The following ADGRB3 variants were observed in gnomAD, a reference collection of about 807,000 sequenced individuals.
ADGRB3 encodes the protein adhesion G protein-coupled receptor B3.
A neutral mutation model predicts 193.4 loss-of-function variants in ADGRB3; 37 were observed. That is an observed-to-expected ratio of 0.19 (90% CI 0.15 to 0.25). The LOEUF (loss-of-function observed/expected upper bound fraction) is 0.25. ADGRB3 is among the 10% of genes least tolerant of loss of function. ADGRB3 has a pLI of 1.00. For missense variants in ADGRB3, 1,637 were observed against 1,852.9 expected, an observed-to-expected ratio of 0.88 and a Z score of 2.14; for synonymous variants, 690 against 644.2, an observed-to-expected ratio of 1.07 and a Z score of -1.08.
At chr6:69,290,702 T>C (rs1279474836) in intron 20 of ADGRB3, among the ~76,000 whole-genome samples, 1 of 152,168 alleles carries the variant, frequency 6.6e-6, no homozygotes, top group Non-Finnish European at 1.5e-5. Context: ...GTCAAACAAA[T>C]AAGTAAATAC....
chr6:69,291,760 T>C (rs1767687492), intron 20 of ADGRB3, among the ~76,000 whole-genome samples: 1 of 152,124 alleles, frequency 6.6e-6, no homozygotes, highest in South Asian at 2.1e-4. Flanking sequence ...ATATGGTACA[T>C]TGGCATATTA....
At chr6:68,640,566 T>G (rs1768063315) in intron 3 of ADGRB3, among the ~76,000 whole-genome samples, 1 of 152,220 alleles carries the variant, frequency 6.6e-6, no homozygotes, top group African/African-American at 2.4e-5. Flanking sequence ...TGTTTTCTGA[T>G]TGCCACAAAG....
At chr6:69,104,372 T>G (rs1773151835) in intron 17 of ADGRB3, among the ~76,000 whole-genome samples, 1 of 151,320 alleles carries the variant, frequency 6.6e-6, no homozygotes, top group Admixed American at 6.7e-5. Flanking sequence ...GAACTCATCG[T>G]TTTCTATGGC....
chr6:68,854,423 G>A (rs1764899064), intron 3 of ADGRB3, among the ~76,000 whole-genome samples: 1 of 152,112 alleles, frequency 6.6e-6, no homozygotes, highest in Admixed American at 6.5e-5. Context: ...GTGAGATAAT[G>A]TACTTGTTAA....
rs571375939 is a variant in ADGRB3, at chr6:69,012,597, G to A, written c.1930-1441G>A. ...AAAGGCTGAAAGAATTGAAAAACGG[G>A]TCTAAAACAGACTTGCAGGTTTTTT... On this transcript the variant is annotated intron_variant, in intron 11 of 31. Coordinates refer to ENST00000370598, the MANE Select transcript of ADGRB3 (RefSeq NM_001704.3). Among the ~76,000 whole-genome samples, 322 of 152,176 alleles carry A rather than the reference G, an allele frequency of 2.1e-3. 1 individual carries two copies. Among genetic ancestry groups the A allele is most frequent in the African/African-American group, 7.4e-3 (307 of 41,540 alleles).
chr6:69,346,506 A>T (rs977915472), intron 26 of ADGRB3, among the ~76,000 whole-genome samples: 1 of 152,244 alleles, frequency 6.6e-6, no homozygotes, highest in Non-Finnish European at 1.5e-5. Context: ...AAACAAATTT[A>T]CAAGAAATAA....
intron 3 of ADGRB3, among the ~76,000 whole-genome samples, chr6:68,673,002 G>A (rs1246996912): frequency 6.6e-6 from 1 of 151,950 alleles, no homozygotes; most frequent in Admixed American, 6.6e-5. Context: ...ACAATTATGT[G>A]AGCCAAAATT....
intron 3 of ADGRB3, among the ~76,000 whole-genome samples, chr6:68,808,535 A>G (rs750518538): frequency 4.0e-5 from 6 of 151,800 alleles, no homozygotes; most frequent in Non-Finnish European, 8.8e-5. Flanking sequence ...CATAAAACTG[A>G]TTTGTACATA....
chr6:68,688,311 T>C (rs1364162383), intron 3 of ADGRB3, among the ~76,000 whole-genome samples: 1 of 152,196 alleles, frequency 6.6e-6, no homozygotes, highest in Non-Finnish European at 1.5e-5. Flanking sequence ...ACATATGCCA[T>C]GATCGATAAA....
At chr6:68,992,886 G>A (rs907968136) in intron 10 of ADGRB3, among the ~76,000 whole-genome samples, 29 of 149,272 alleles carry the variant, frequency 1.9e-4, no homozygotes, top group African/African-American at 6.4e-4. Flanking sequence ...TATTTCTCTG[G>A]CCTGTTAATT....
intron 17 of ADGRB3, among the ~76,000 whole-genome samples, chr6:69,189,843 C>T (rs191631344): frequency 2.0e-5 from 3 of 152,152 alleles, no homozygotes; most frequent in Non-Finnish European, 4.4e-5. Flanking sequence ...TGTTGTATAC[C>T]ATTATGCCCA....
chr6:69,071,547 G>A (rs1233434210), intron 16 of ADGRB3, among the ~76,000 whole-genome samples: 1 of 152,104 alleles, frequency 6.6e-6, no homozygotes, highest in Admixed American at 6.6e-5. Flanking sequence ...TTTTTTAAAT[G>A]CTTAAAAGTG....
intron 3 of ADGRB3, among the ~76,000 whole-genome samples, chr6:68,717,336 T>G (rs1765505577): frequency 6.6e-6 from 1 of 151,698 alleles, no homozygotes; most frequent in Non-Finnish European, 1.5e-5. Context: ...ATGTCCCCAA[T>G]TCAAATTATA....
At chr6:69,316,801 C>G (rs1768322164) in intron 20 of ADGRB3, among the ~76,000 whole-genome samples, 1 of 151,470 alleles carries the variant, frequency 6.6e-6, no homozygotes, top group Admixed American at 6.6e-5. Context: ...AGAAGTTTGA[C>G]CACAATTGGA....
At chr6:69,135,842 C>A (rs770501885) in intron 17 of ADGRB3, among the ~76,000 whole-genome samples, 2 of 152,008 alleles carry the variant, frequency 1.3e-5, no homozygotes, top group African/African-American at 2.4e-5. Flanking sequence ...TTGGAAAAGT[C>A]GTAACAAGTT....
chr6:68,872,106 A>G (rs926567386), intron 3 of ADGRB3, among the ~76,000 whole-genome samples: 1 of 152,152 alleles, frequency 6.6e-6, no homozygotes. Context: ...GACATGTAAG[A>G]CTTTGAGATT....
intron 8 of ADGRB3, among the ~76,000 whole-genome samples, chr6:68,967,517 A>G (rs1053679250): frequency 1.3e-5 from 2 of 152,098 alleles, no homozygotes; most frequent in Non-Finnish European, 2.9e-5. Context: ...TCTTTTGACT[A>G]ATTTTTAAGG....
At chr6:69,073,518 CAG>C (rs1030201257) in intron 16 of ADGRB3, among the ~76,000 whole-genome samples, 3 of 152,082 alleles carry the variant, frequency 2.0e-5, no homozygotes, top group Admixed American at 6.5e-5. Context: ...GAAAATGAAA[CAG>C]GGGCCCTCGG....
At chr6:68,721,264 G>A (rs1765571942) in intron 3 of ADGRB3, among the ~76,000 whole-genome samples, 1 of 151,790 alleles carries the variant, frequency 6.6e-6, no homozygotes, top group African/African-American at 2.4e-5. Flanking sequence ...AAGAAAATGT[G>A]GCACATATAC....
Sources: gnomAD v4.1 joint callset for allele counts (sites outside exome capture counted in the v4.1 genomes callset) on GRCh38, gnomAD v4.1.1 for gene constraint, MANE v1.5 for transcripts, NCBI Gene and HGNC (gene_info 2026-07-23, HGNC 2026-07-21) for gene names.